The following CDH17 variants were observed in gnomAD, a reference collection of about 807,000 sequenced individuals.
The protein encoded by CDH17 is cadherin 17.
CDH17 carries 67 observed loss-of-function variants against 86.3 expected under a neutral mutation model. The observed-to-expected ratio is 0.78, with a 90% CI of 0.64 to 0.95. The LOEUF (loss-of-function observed/expected upper bound fraction) is 0.95. Among genes scored for constraint, CDH17 ranks in the 40% least tolerant of loss-of-function variants. CDH17 has a pLI of 0.00. For synonymous variants in CDH17, 367 were observed against 366.4 expected (o/e 1.00, Z -0.02); for missense variants, 993 against 1,017.6 (o/e 0.98, Z 0.33).
At chr8:94,132,416 C>T (rs1027106067) in intron 15 of CDH17, among the ~76,000 whole-genome samples, 5 of 152,186 alleles carry the variant, frequency 3.3e-5, no homozygotes, top group African/African-American at 1.2e-4. Flanking sequence ...ATTTGCATTT[C>T]TCTGATGACC....
chr8:94,153,209 C>T lies in CDH17; in HGVS notation c.1552-1097G>A, dbSNP rs971102551. 6.6e-5 allele frequency among the ~76,000 whole-genome samples: 10 copies of T among 152,078 alleles called. No homozygotes were observed. The East Asian group carries it at 1.9e-3, about 29-fold the overall frequency. On this transcript the variant is annotated intron_variant, in intron 12 of 17. Transcript: ENST00000027335. ...ACCTGTTTAAAACCTAGGCAAAGGA[C>T]CTGAATAGTCATTTCTCAAAAGAAG...
At chr8:94,177,459 G>T in intron 4 of CDH17, 128 bp downstream of exon 4, 1 of 925,210 alleles carries the variant, frequency 1.1e-6, no homozygotes, top group Non-Finnish European at 1.7e-6. Context: ...GGATTGCAAA[G>T]CGTCCCATTA....
At chr8:94,195,562 C>T (rs1813767841) in intron 1 of CDH17, among the ~76,000 whole-genome samples, 1 of 152,104 alleles carries the variant, frequency 6.6e-6, no homozygotes, top group Non-Finnish European at 1.5e-5. Flanking sequence ...GAACTCTGTC[C>T]TTATTGTCTC....
In CDH17 at chr8:94,176,607, T is replaced by C. The variant is rs751275040; in HGVS notation, c.358A>G (p.Asn120Asp). The C allele has an allele frequency of 3.7e-6, 6 of 1,613,720 alleles. No individual in the cohort carries two copies. The South Asian group carries it at 6.6e-5, about 18-fold the overall frequency. ...VPITIKVKDI[N>D]DNRPTFLQSK... ...TGGAGAAACGTGGGTCGATTGTCGT[T>C]GATGTCCTTCACTTTTATGGTGATA... The change falls in exon 5 of 18, where the codon AAC (asparagine) becomes GAC (aspartate). Residue 120 changes from asparagine to aspartate, a missense_variant. By Grantham distance (23) the Asn-to-Asp change is conservative. Transcript: ENST00000027335.
intron 9 of CDH17, among the ~76,000 whole-genome samples, chr8:94,167,489 C>T (rs559377063): frequency 4.6e-5 from 7 of 152,272 alleles, no homozygotes; most frequent in African/African-American, 1.7e-4. Context: ...CTATGTATGT[C>T]TACAGTAGAG....
At chr8:94,215,371 A>G (rs770631505) in intron 1 of CDH17, among the ~76,000 whole-genome samples, 9 of 152,258 alleles carry the variant, frequency 5.9e-5, no homozygotes, top group Non-Finnish European at 1.3e-4. Flanking sequence ...CATTATGCTT[A>G]GTGAAAAAAG....
intron 9 of CDH17, among the ~76,000 whole-genome samples, chr8:94,167,010 AG>A (rs1813170216): frequency 6.6e-6 from 1 of 152,184 alleles, no homozygotes; most frequent in Non-Finnish European, 1.5e-5. Flanking sequence ...CTGTAGCCCT[AG>A]GACGCTAATA....
At chr8:94,140,849 A>G (rs1243413049) in intron 15 of CDH17, among the ~76,000 whole-genome samples, 2 of 152,208 alleles carry the variant, frequency 1.3e-5, no homozygotes, top group South Asian at 2.1e-4. Context: ...GAATTTTTCT[A>G]TATCTATAAA....
At chr8:94,153,827 T>TAC (rs1291979062) in intron 12 of CDH17, among the ~76,000 whole-genome samples, 1 of 152,146 alleles carries the variant, frequency 6.6e-6, no homozygotes, top group Non-Finnish European at 1.5e-5. Flanking sequence ...TGTTCTCACT[T>TAC]GTATGTGGAA....
chr8:94,205,610 G>T (rs1024171852), intron 1 of CDH17, among the ~76,000 whole-genome samples: 2 of 152,084 alleles, frequency 1.3e-5, no homozygotes, highest in African/African-American at 4.8e-5. Flanking sequence ...ACTGACAACT[G>T]GGATGGGTAG....
intron 9 of CDH17, among the ~76,000 whole-genome samples, chr8:94,166,570 C>T (rs1813162241): frequency 6.6e-6 from 1 of 152,280 alleles, no homozygotes; most frequent in South Asian, 2.1e-4. Flanking sequence ...CACGGGGACA[C>T]ATTCAGCCCA....
chr8:94,157,403 T>C (rs984687249), intron 12 of CDH17, among the ~76,000 whole-genome samples: 16 of 152,114 alleles, frequency 1.1e-4, no homozygotes, highest in African/African-American at 3.9e-4. Flanking sequence ...TATATCCTAG[T>C]GGGGAATTGG....
At position 94,146,104 on chromosome 8, in the gene CDH17, G is replaced by A. The variant is rs150583645; in HGVS notation, c.1991C>T (p.Pro664Leu). ...CGTGTAGTCCTTGGCTAGCCTGGGA[G>A]GGTTGTCATTCACATCCATAAGGAT... ...HLILMDVNDN[P>L]PRLAKDYTGL... The change falls in exon 15 of 18, where the codon CCT becomes CTT. Residue 664 changes from proline (P) to leucine (L), a missense_variant. Physicochemically the swap from Pro to Leu is moderately conservative, Grantham distance 98. Transcript: ENST00000027335. 7.4e-6 allele frequency: 12 copies of A among 1,611,798 alleles called. No individual in the cohort carries two copies. In the African/African-American group the frequency reaches 1.5e-4, roughly 20 times the overall value.
intron 1 of CDH17, among the ~76,000 whole-genome samples, chr8:94,204,732 G>A (rs1212265395): frequency 6.6e-6 from 1 of 152,156 alleles, no homozygotes; most frequent in African/African-American, 2.4e-5. Context: ...ATATTTGAGA[G>A]AGGTGTCATG....
At chr8:94,156,656 G>A (rs759949734) in intron 12 of CDH17, among the ~76,000 whole-genome samples, 8 of 152,158 alleles carry the variant, frequency 5.3e-5, no homozygotes, top group African/African-American at 1.7e-4. Context: ...GGCTGAGGCC[G>A]CAGTCCTCAG....
At chr8:94,156,131 G>A (rs1812944786) in intron 12 of CDH17, among the ~76,000 whole-genome samples, 1 of 152,138 alleles carries the variant, frequency 6.6e-6, no homozygotes, top group African/African-American at 2.4e-5. Context: ...GAAAAAACCT[G>A]CTCATACCAC....
intron 15 of CDH17, among the ~76,000 whole-genome samples, chr8:94,135,033 G>A (rs1271008516): frequency 3.9e-5 from 6 of 152,006 alleles, no homozygotes; most frequent in Admixed American, 2.0e-4. Context: ...ACAGTTTGTT[G>A]TGATTTCTGT....
chr8:94,155,391 C>A (rs1457271865), intron 12 of CDH17, among the ~76,000 whole-genome samples: 1 of 151,926 alleles, frequency 6.6e-6, no homozygotes, highest in African/African-American at 2.4e-5. Context: ...CCAGAATGAG[C>A]CTGTGATGGG....
At chr8:94,182,370 CA>C (rs1023307682) in intron 3 of CDH17, among the ~76,000 whole-genome samples, 2 of 151,996 alleles carry the variant, frequency 1.3e-5, no homozygotes, top group African/African-American at 2.4e-5. Context: ...CAAAATTTTC[CA>C]ATGAAATACT....
Sources: gnomAD v4.1 joint callset for allele counts (sites outside exome capture counted in the v4.1 genomes callset) on GRCh38, gnomAD v4.1.1 for gene constraint, MANE v1.5 for transcripts, NCBI Gene and HGNC (gene_info 2026-07-23, HGNC 2026-07-21) for gene names.